SPTA1: variants seen among roughly 807,000 people sequenced by gnomAD.
SPTA1 encodes the protein spectrin alpha, erythrocytic 1.
In SPTA1, 177 loss-of-function variants were observed where a neutral mutation model predicts 324.7. The ratio of observed to expected loss-of-function variants is 0.55; its 90% CI spans 0.48 to 0.62. SPTA1 has a LOEUF of 0.62. Among genes scored for constraint, SPTA1 ranks in the 20% least tolerant of loss-of-function variants. SPTA1 has a pLI of 0.00. For missense variants in SPTA1, 3,162 were observed against 2,883.6 expected (o/e 1.10, Z -2.21); for synonymous variants, 1,195 against 1,041.3 (o/e 1.15, Z -2.84).
intron 38 of SPTA1, 109 bp from the exon 39 acceptor site, chr1:158,634,784 G>A (rs555513515): frequency 1.5e-6 from 2 of 1,339,826 alleles, no homozygotes; most frequent in Non-Finnish European, 2.1e-6. Context: ...TTCTCACAAG[G>A]CAGCCACAGT....
intron 16 of SPTA1, among the ~76,000 whole-genome samples, chr1:158,666,086 G>T (rs1258299918): frequency 6.6e-6 from 1 of 151,864 alleles, no homozygotes; most frequent in African/African-American, 2.4e-5. Flanking sequence ...TAAAAATTTC[G>T]AATTTTTACC....
chr1:158,635,329 C>T (rs1362533705), intron 38 of SPTA1, among the ~76,000 whole-genome samples: 4 of 151,926 alleles, frequency 2.6e-5, no homozygotes, highest in Admixed American at 2.6e-4. Flanking sequence ...CCCGCCCGCT[C>T]CCTGCCTTGC....
At chr1:158,651,282 GA>G (rs1432542705) in intron 24 of SPTA1, 84 bp downstream of exon 24, 9 of 888,980 alleles carry the variant, frequency 1.0e-5, no homozygotes, top group African/African-American at 1.6e-5. Flanking sequence ...TGGGTCTGCA[GA>G]ATATAAAGTT....
In SPTA1 at chr1:158,635,990, C is replaced by G. The variant is rs1400793097; in HGVS notation, c.5355G>C (p.Val1785=). ...MAEKLKDKAA[V]GQEEIQLRLA... is the part of the protein sequence containing the mutation. ...GCCGCAACTGGATCTCCTCTTGCCC[C>G]ACAGCAGCCTTGTCTTTCAGCTTCT... The change falls in exon 38 of 52, where the codon GTG becomes GTC. Residue 1785 remains valine, a synonymous_variant. Transcript: ENST00000643759. 5 of 1,614,162 alleles carry G rather than the reference C, an allele frequency of 3.1e-6. No homozygotes were observed. The highest frequency in any genetic ancestry group is 3.4e-6 in the Non-Finnish European group (4 of 1,180,034).
chr1:158,611,632 T>G (rs1649268347), intron 51 of SPTA1: 1 of 414,526 alleles, frequency 2.4e-6, no homozygotes, highest in Non-Finnish European at 4.4e-6. Context: ...GTAAATCTCA[T>G]TCCCTAAAGT....
intron 40 of SPTA1, 78 bp from the exon 41 acceptor site, chr1:158,627,085 A>T (rs938795527): frequency 6.0e-5 from 93 of 1,562,838 alleles, no homozygotes; most frequent in Non-Finnish European, 7.8e-5. Context: ...AATAGAAAGC[A>T]CTCATCTCTC....
chr1:158,668,706 C>T (rs1653791475), intron 14 of SPTA1, among the ~76,000 whole-genome samples: 1 of 152,116 alleles, frequency 6.6e-6, no homozygotes. Flanking sequence ...TATTATATAA[C>T]ATTTTTGAGT....
intron 19 of SPTA1, 93 bp downstream of exon 19, chr1:158,657,384 T>C: frequency 7.7e-7 from 1 of 1,299,996 alleles, no homozygotes; most frequent in Non-Finnish European, 1.1e-6. Flanking sequence ...TCTGGCAGAA[T>C]CTGTAGCTGT....
chr1:158,633,653 T>C lies in SPTA1; in HGVS notation c.5565+890A>G, dbSNP rs1004466492. Reference sequence around the variant, plus strand: ...TCCAGGCTGGGAGACAGAGTGAGACTCTGTCTCGAAAAAAAAAAAAAAAAA... The same window carrying C: ...TCCAGGCTGGGAGACAGAGTGAGACCCTGTCTCGAAAAAAAAAAAAAAAAA... On this transcript the variant is annotated intron_variant, in intron 39 of 51. Coordinates refer to ENST00000643759, the MANE Select transcript of SPTA1 (RefSeq NM_003126.4). 5.0e-3 allele frequency among the ~76,000 whole-genome samples: 661 copies of C among 133,202 alleles called. 6 individuals are homozygous for C. Among genetic ancestry groups the C allele is most frequent in the African/African-American group, 0.018 (614 of 34,134 alleles). The allele number at this position is 133,202 out of a possible 152,430, so 87.4% of individuals were successfully genotyped here. A position where few individuals can be genotyped will look rare whatever the true frequency, so the allele number is the denominator to read the frequency against.
intron 40 of SPTA1, 70 bp from the exon 41 acceptor site, chr1:158,627,077 T>C (rs1650328251): frequency 2.5e-6 from 4 of 1,578,304 alleles, no homozygotes; most frequent in Admixed American, 3.3e-5. Context: ...TTAGTACCAA[T>C]AGAAAGCACT....
In SPTA1 at chr1:158,634,603, G is replaced by A. The variant is rs767398268; in HGVS notation, c.5505C>T (p.Ile1835=). Residue 1835 remains isoleucine, a synonymous_variant, in exon 39 of 52, where the codon ATC becomes ATT. Transcript: ENST00000643759. ...GGACAGCCAAAGCATTCTTTTCATT[G>A]ATCCAAGCTTCCTCTTCCTCAGCAT... ...MQNAEEEEAW[I]NEKNALAVRG... The A allele has an allele frequency of 6.2e-7, 1 of 1,614,074 alleles. No homozygotes were observed. The highest frequency in any genetic ancestry group is 1.1e-5 in the South Asian group (1 of 91,062).
At chr1:158,648,313 T>C (rs1341813217) in intron 26 of SPTA1, among the ~76,000 whole-genome samples, 196 bp downstream of exon 26, 4 of 152,110 alleles carry the variant, frequency 2.6e-5, no homozygotes, top group South Asian at 2.1e-4. Context: ...ACAAGTTTTT[T>C]CCCCATGTTA....
Position 158,686,564 on chromosome 1 carries a change from A to AGG in SPTA1, c.-48_-47insCC. ...TGGCAAGATAAAATGTGTCAGAGAGAGAGAGAGAGAGAAATAATTCAAATG... is the reference window on the plus strand; with the variant it reads ...TGGCAAGATAAAATGTGTCAGAGAGAGGGAGAGAGAGAGAAATAATTCAAATG... On this transcript the variant is annotated 5_prime_UTR_variant, in exon 1 of 52. The change abolishes the stop of an existing upstream ORF in the 5' untranslated region. Coordinates refer to ENST00000643759, the MANE Select transcript of SPTA1 (RefSeq NM_003126.4). The AGG allele has an allele frequency of 7.0e-7, 1 of 1,424,724 alleles. No homozygotes were observed. Among genetic ancestry groups the AGG allele is most frequent in the Non-Finnish European group, 9.9e-7 (1 of 1,008,930 alleles). 88.3% of individuals were successfully genotyped at this position (1,424,724 alleles called of 1,614,324 possible).
chr1:158,616,839 T>C (rs1245806377), intron 47 of SPTA1, among the ~76,000 whole-genome samples: 2 of 152,226 alleles, frequency 1.3e-5, no homozygotes, highest in Non-Finnish European at 2.9e-5. Flanking sequence ...ATTTCCATAC[T>C]GGTTTCCATA....
chr1:158,625,729 T>C (rs1650226358), intron 42 of SPTA1, among the ~76,000 whole-genome samples: 1 of 151,830 alleles, frequency 6.6e-6, no homozygotes, highest in African/African-American at 2.4e-5. Context: ...AGCTAAAGCT[T>C]TGCTTTGGGA....
At chr1:158,612,124 T>C (rs1322989548) in intron 51 of SPTA1, 2 of 154,470 alleles carry the variant, frequency 1.3e-5, no homozygotes, top group Admixed American at 6.4e-5. Flanking sequence ...CCCTTTCACT[T>C]TCTGTTACTA....
chr1:158,683,347 T>G (rs1242780506), intron 3 of SPTA1, 24 bp downstream of exon 3: 1 of 1,612,842 alleles, frequency 6.2e-7, no homozygotes, highest in Non-Finnish European at 8.5e-7. Flanking sequence ...AATTGGAAAC[T>G]TCTTCAAGGG....
At chr1:158,633,442 C>T (rs1323611334) in intron 39 of SPTA1, among the ~76,000 whole-genome samples, 1 of 151,834 alleles carries the variant, frequency 6.6e-6, no homozygotes, top group Non-Finnish European at 1.5e-5. Flanking sequence ...GGGTGGATCA[C>T]GAGGTCAGGA....
At chr1:158,617,248 T>C (rs1649612626) in intron 47 of SPTA1, among the ~76,000 whole-genome samples, 1 of 152,178 alleles carries the variant, frequency 6.6e-6, no homozygotes, top group Admixed American at 6.5e-5. Flanking sequence ...CCACCCACTG[T>C]TCCCAAAGCC....
Sources: gnomAD v4.1 joint callset for allele counts (sites outside exome capture counted in the v4.1 genomes callset) on GRCh38, gnomAD v4.1.1 for gene constraint, MANE v1.5 for transcripts, NCBI Gene and HGNC (gene_info 2026-07-23, HGNC 2026-07-21) for gene names.